The following SAMSN1 variants were observed in gnomAD, a reference collection of about 807,000 sequenced individuals.
The protein encoded by SAMSN1 is SAM domain, SH3 domain and nuclear localization signals 1.
A neutral mutation model predicts 42.0 loss-of-function variants in SAMSN1; 31 were observed. The ratio of observed to expected loss-of-function variants is 0.74; its 90% CI spans 0.55 to 1.00. SAMSN1 has a LOEUF of 1.00. Ranked by LOEUF, SAMSN1 falls within the 50% of genes least tolerant of loss-of-function variation. The pLI is 0.00. For synonymous variants in SAMSN1, 178 were observed against 151.9 expected (o/e 1.17, Z -1.26); for missense variants, 464 against 439.4 (o/e 1.06, Z -0.50).
At chr21:14,574,688 A>G (rs920916175) in intron 2 of SAMSN1, among the ~76,000 whole-genome samples, 6 of 152,234 alleles carry the variant, frequency 3.9e-5, no homozygotes, top group African/African-American at 1.2e-4. Context: ...CTAATACTTC[A>G]CACTTACAGA....
At chr21:14,517,849 A>G (rs529647846) in intron 2 of SAMSN1, among the ~76,000 whole-genome samples, 1 of 152,242 alleles carries the variant, frequency 6.6e-6, no homozygotes, top group South Asian at 2.1e-4. Flanking sequence ...TAGAATCTAT[A>G]TGAAATAAAA....
intron 1 of SAMSN1, chr21:14,523,382 C>A (rs1030546780): frequency 1.6e-4 from 24 of 152,236 alleles, no homozygotes; most frequent in African/African-American, 5.6e-4. Context: ...CCCGGCTGGA[C>A]GAGCCCTTCA....
intron 1 of SAMSN1, among the ~76,000 whole-genome samples, chr21:14,526,455 T>A (rs150150524): frequency 2.3e-4 from 35 of 152,334 alleles, no homozygotes; most frequent in African/African-American, 8.2e-4. Context: ...TTTGTGTATG[T>A]GTGTTTCTAT....
At chr21:14,606,244 T>C (rs1376053012) in intron 5 of SAMSN1, among the ~76,000 whole-genome samples, 1 of 152,204 alleles carries the variant, frequency 6.6e-6, no homozygotes, top group Non-Finnish European at 1.5e-5. Flanking sequence ...TCACTTCCCT[T>C]ACTAACATAT....
At chr21:14,656,305 G>A (rs1425889885) in intron 1 of SAMSN1, among the ~76,000 whole-genome samples, 2 of 151,684 alleles carry the variant, frequency 1.3e-5, no homozygotes, top group East Asian at 3.9e-4. Context: ...CTTGGCAGCA[G>A]AATTATTAAT....
intron 1 of SAMSN1, among the ~76,000 whole-genome samples, chr21:14,651,518 G>C (rs549174145): frequency 6.6e-6 from 1 of 151,798 alleles, no homozygotes; most frequent in East Asian, 1.9e-4. Context: ...AAAAAACTGA[G>C]TCTAGAAGGA....
chr21:14,486,244 C>A (rs1238941726), intron 7 of SAMSN1, 130 bp from the exon 8 acceptor site: 1 of 641,166 alleles, frequency 1.6e-6, no homozygotes, highest in Non-Finnish European at 2.7e-6. Context: ...GAAAGTTCTG[C>A]AAGTAAAAGG....
chr21:14,595,923 T>G (rs1405547674), intron 6 of SAMSN1, among the ~76,000 whole-genome samples: 2 of 152,182 alleles, frequency 1.3e-5, no homozygotes, highest in African/African-American at 4.8e-5. Flanking sequence ...GCGAAATTCC[T>G]TTTTAAAAAT....
At chr21:14,616,361 C>CA (rs1982838212) in intron 2 of SAMSN1, among the ~76,000 whole-genome samples, 1 of 151,770 alleles carries the variant, frequency 6.6e-6, no homozygotes, top group African/African-American at 2.4e-5. Flanking sequence ...ATTAAATCCT[C>CA]ATTATCTAAA....
chr21:14,609,070 T>C (rs1345968651), intron 5 of SAMSN1, among the ~76,000 whole-genome samples: 1 of 152,136 alleles, frequency 6.6e-6, no homozygotes, highest in Non-Finnish European at 1.5e-5. Context: ...ATAATCAAGG[T>C]TATTTCTCTT....
intron 1 of SAMSN1, among the ~76,000 whole-genome samples, chr21:14,645,006 C>A (rs1390863870): frequency 6.6e-6 from 1 of 152,118 alleles, no homozygotes; most frequent in African/African-American, 2.4e-5. Flanking sequence ...TACAATAACA[C>A]CAGGTAGACT....
chr21:14,631,543 T>G (rs775657594), intron 2 of SAMSN1, among the ~76,000 whole-genome samples: 4 of 152,188 alleles, frequency 2.6e-5, no homozygotes, highest in Non-Finnish European at 5.9e-5. Context: ...ATTTTTTGTA[T>G]TTTTAATAGA....
intron 1 of SAMSN1, among the ~76,000 whole-genome samples, chr21:14,538,999 G>A (rs952970162): frequency 1.3e-5 from 2 of 152,168 alleles, no homozygotes; most frequent in African/African-American, 4.8e-5. Context: ...TAAAGGCCAA[G>A]ATGTTCTAAT....
intron 1 of SAMSN1, among the ~76,000 whole-genome samples, chr21:14,522,303 T>A (rs1361161781): frequency 1.3e-5 from 2 of 152,264 alleles, no homozygotes; most frequent in African/African-American, 4.8e-5. Context: ...AGTCAAAAAA[T>A]TGATATTTCC....
chr21:14,515,136 A>G (rs1987852084), intron 3 of SAMSN1, among the ~76,000 whole-genome samples: 1 of 152,210 alleles, frequency 6.6e-6, no homozygotes, highest in Admixed American at 6.5e-5. Flanking sequence ...TACAGTTGAA[A>G]AGTAGTAAGG....
intron 1 of SAMSN1, among the ~76,000 whole-genome samples, chr21:14,526,157 C>T (rs1478814893): frequency 6.6e-6 from 1 of 152,174 alleles, no homozygotes; most frequent in Non-Finnish European, 1.5e-5. Context: ...TGTGAGCTGC[C>T]ATGCCCAGCC....
intron 5 of SAMSN1, chr21:14,609,399 G>T: frequency 1.4e-6 from 1 of 701,244 alleles, no homozygotes; most frequent in Non-Finnish European, 2.7e-6. Context: ...TATTTTCATG[G>T]TGGAAGATGT....
In SAMSN1 at chr21:14,577,048, C is replaced by CTTTTTTTTTT. The variant is rs991163598; in HGVS notation, c.261+5078_261+5087dup. Among the ~76,000 whole-genome samples the CTTTTTTTTTT allele has an allele frequency of 2.7e-4, 15 of 54,916 alleles. 1 individual carries two copies. Among genetic ancestry groups the CTTTTTTTTTT allele is most frequent in the East Asian group, 1.4e-3 (2 of 1,472 alleles). 36.0% of individuals were successfully genotyped at this position (54,916 alleles called of 152,430 possible). On this transcript the variant is annotated intron_variant, in intron 2 of 8. Transcript: ENST00000285670. Reference sequence around the variant, plus strand: ...GTTTATGTCTAGATTGCATCCGTTTCTTTTTTTTTTTTTTTTTTTTTTTTT... The same window carrying CTTTTTTTTTT: ...GTTTATGTCTAGATTGCATCCGTTTCTTTTTTTTTTTTTTTTTTTTTTTTTTTTTTTTTTT...
intron 1 of SAMSN1, among the ~76,000 whole-genome samples, chr21:14,649,375 T>C (rs1983785156): frequency 6.6e-6 from 1 of 151,976 alleles, no homozygotes; most frequent in African/African-American, 2.4e-5. Flanking sequence ...TATACATATG[T>C]AACTAACCTG....
Sources: gnomAD v4.1 joint callset for allele counts (sites outside exome capture counted in the v4.1 genomes callset) on GRCh38, gnomAD v4.1.1 for gene constraint, MANE v1.5 for transcripts, NCBI Gene and HGNC (gene_info 2026-07-23, HGNC 2026-07-21) for gene names.